The following GRIK2 variants were observed in gnomAD, a reference collection of about 807,000 sequenced individuals.
GRIK2 encodes glutamate receptor ionotropic, kainate 2.
In GRIK2, 32 loss-of-function variants were observed where a neutral mutation model predicts 100.3. That is an observed-to-expected ratio of 0.32 (90% confidence interval 0.24 to 0.43). GRIK2 has a LOEUF of 0.43. GRIK2 is among the 20% of genes least tolerant of loss of function. GRIK2 has a pLI of 1.00. For synonymous variants in GRIK2, 417 were observed against 389.4 expected, an observed-to-expected ratio of 1.07 and a Z score of -0.83; for missense variants, 843 against 1,114.9, an observed-to-expected ratio of 0.76 and a Z score of 3.47.
chr6:101,644,736 T>C (rs1781441140), intron 4 of GRIK2, among the ~76,000 whole-genome samples: 1 of 151,848 alleles, frequency 6.6e-6, no homozygotes, highest in African/African-American at 2.4e-5. Context: ...TAAAAGGTTA[T>C]TAAGTTTTGT....
rs534560982 is a variant in GRIK2 at position 101,867,893 on chromosome 6, G to T, written c.1524+8400G>T. 1.5e-4 allele frequency among the ~76,000 whole-genome samples: 22 copies of T among 151,486 alleles called. No individual in the cohort carries two copies. The East Asian group carries it at 3.5e-3, about 24-fold the overall frequency. On this transcript the variant is annotated intron_variant, in intron 11 of 16. Transcript: ENST00000369134. ...AATTATAGCAAAAACCAGAGCTAAG[G>T]ATTATTTTATTTGGCAATTGTATCA...
At chr6:101,901,310 A>G (rs1787832911) in intron 12 of GRIK2, among the ~76,000 whole-genome samples, 1 of 152,050 alleles carries the variant, frequency 6.6e-6, no homozygotes, top group African/African-American at 2.4e-5. Context: ...GTATATTGAT[A>G]GCCAGTGAAT....
At chr6:101,559,972 C>T (rs1205683112) in intron 2 of GRIK2, among the ~76,000 whole-genome samples, 1 of 152,072 alleles carries the variant, frequency 6.6e-6, no homozygotes. Context: ...TGGTAATGGG[C>T]AAAGGGTATA....
intron 10 of GRIK2, among the ~76,000 whole-genome samples, chr6:101,838,018 C>T (rs918356740): frequency 3.3e-5 from 5 of 151,872 alleles, no homozygotes; most frequent in African/African-American, 1.2e-4. Context: ...CGTCATAAGA[C>T]TCTCATCTGA....
chr6:101,646,971 G>A (rs1047867063), intron 4 of GRIK2, among the ~76,000 whole-genome samples: 1 of 151,872 alleles, frequency 6.6e-6, no homozygotes, highest in African/African-American at 2.4e-5. Context: ...TTGAAAGCTC[G>A]CTGCATGCCA....
At chr6:101,860,049 C>A (rs1043446654) in intron 11 of GRIK2, among the ~76,000 whole-genome samples, 2 of 151,908 alleles carry the variant, frequency 1.3e-5, no homozygotes, top group Non-Finnish European at 2.9e-5. Context: ...ACATGTTTGT[C>A]ACCTTCTTAT....
At chr6:101,562,236 G>A (rs184672250) in intron 2 of GRIK2, among the ~76,000 whole-genome samples, 1 of 152,074 alleles carries the variant, frequency 6.6e-6, no homozygotes, top group Admixed American at 6.5e-5. Context: ...AAAACTTTAG[G>A]GGAGCTTTTA....
rs184056431 is a variant in GRIK2, at chr6:101,578,608, G to A, written c.116-43341G>A. Among the ~76,000 whole-genome samples, 172 of 151,888 alleles carry A rather than the reference G, an allele frequency of 1.1e-3. No homozygotes were observed. The East Asian group carries it at 0.012, about 11-fold the overall frequency. On this transcript the variant is annotated intron_variant, in intron 2 of 16. Transcript: ENST00000369134. The stretch of plus-strand genomic sequence containing the variant: ...TGGGTTTTGCTTGGTAATCTGAGAG[G>A]TAGCCAGGAGGGGATAGAACAGCTG...
chr6:101,568,233 G>T (rs138529555), intron 2 of GRIK2, among the ~76,000 whole-genome samples: 3 of 151,766 alleles, frequency 2.0e-5, no homozygotes, highest in African/African-American at 7.2e-5. Flanking sequence ...TGTACTATAA[G>T]GCATGTTTCT....
At chr6:101,452,592 G>A (rs1770774100) in intron 2 of GRIK2, among the ~76,000 whole-genome samples, 1 of 151,688 alleles carries the variant, frequency 6.6e-6, no homozygotes, top group South Asian at 2.1e-4. Context: ...TAAAAAGGTG[G>A]CAATGATACA....
chr6:101,871,841 CA>C (rs528587248), intron 11 of GRIK2, among the ~76,000 whole-genome samples: 134 of 152,004 alleles, frequency 8.8e-4, no homozygotes, highest in African/African-American at 3.0e-3. Context: ...GATGAACATA[CA>C]GGTGAATGTA....
intron 12 of GRIK2, among the ~76,000 whole-genome samples, chr6:101,904,062 G>T (rs1157694213): frequency 6.6e-6 from 1 of 150,686 alleles, no homozygotes; most frequent in Non-Finnish European, 1.5e-5. Context: ...TTAGCCATGG[G>T]GCCTTTTTTT....
rs555372484 is a variant in GRIK2 at position 101,757,276 on chromosome 6, T to C, written c.952-42372T>C. ...ACCATTTTACAAATAAATCAATTAATATTTATACAGTACCTAATGTATTTA... is the reference window on the plus strand; with the variant it reads ...ACCATTTTACAAATAAATCAATTAACATTTATACAGTACCTAATGTATTTA... On this transcript the variant is annotated intron_variant, in intron 7 of 16. Coordinates refer to ENST00000369134, the MANE Select transcript of GRIK2 (RefSeq NM_021956.5). Among the ~76,000 whole-genome samples, 10 of 152,336 alleles carry C rather than the reference T, an allele frequency of 6.6e-5. No homozygotes were observed. In the South Asian group the frequency reaches 1.7e-3, roughly 25 times the overall value.
chr6:101,767,407 T>G (rs911535988), intron 7 of GRIK2, among the ~76,000 whole-genome samples: 1 of 152,306 alleles, frequency 6.6e-6, no homozygotes, highest in East Asian at 1.9e-4. Context: ...CTTTCTTTCT[T>G]TATGTATTTA....
chr6:101,608,622 T>G (rs906704894), intron 2 of GRIK2, among the ~76,000 whole-genome samples: 2 of 151,920 alleles, frequency 1.3e-5, no homozygotes, highest in Admixed American at 6.6e-5. Context: ...GAGCTGCACA[T>G]TCAACATGGA....
chr6:101,487,126 C>T (rs903908020), intron 2 of GRIK2, among the ~76,000 whole-genome samples: 3 of 146,418 alleles, frequency 2.0e-5, no homozygotes, highest in South Asian at 2.2e-4. Context: ...TATATTCTGA[C>T]GGGGTGATAT....
intron 16 of GRIK2, among the ~76,000 whole-genome samples, chr6:102,061,591 A>T (rs1771755011): frequency 6.6e-6 from 1 of 150,596 alleles, no homozygotes; most frequent in South Asian, 2.1e-4. Context: ...AGTAAGCATG[A>T]GTTATGGAAT....
intron 7 of GRIK2, among the ~76,000 whole-genome samples, chr6:101,741,167 A>T (rs900498673): frequency 6.6e-6 from 1 of 152,248 alleles, no homozygotes; most frequent in South Asian, 2.1e-4. Context: ...CCTTGACTGT[A>T]TAATTTGGAC....
intron 12 of GRIK2, among the ~76,000 whole-genome samples, chr6:101,902,398 C>A (rs559309343): frequency 1.3e-5 from 2 of 151,786 alleles, no homozygotes; most frequent in African/African-American, 2.4e-5. Context: ...GGTTGTAGAG[C>A]CTTGAAAGCA....
Sources: gnomAD v4.1 joint callset for allele counts (sites outside exome capture counted in the v4.1 genomes callset) on GRCh38, gnomAD v4.1.1 for gene constraint, MANE v1.5 for transcripts, NCBI Gene and HGNC (gene_info 2026-07-23, HGNC 2026-07-21) for gene names.